Variants in MSH3 observed in about 807,000 individuals in gnomAD.
MSH3 encodes mutS homolog 3.
Under a neutral mutation model 123.3 loss-of-function variants are expected in MSH3, and 106 were observed. The observed-to-expected ratio is 0.86, with a 90% CI of 0.73 to 1.01. The LOEUF (loss-of-function observed/expected upper bound fraction) is 1.01. MSH3 is among the 50% of genes least tolerant of loss of function. The probability of loss-of-function intolerance (pLI) is 0.00; values close to 1 mark genes in which losing one functional copy is unlikely to be tolerated. For missense variants in MSH3, 1,459 were observed against 1,347.6 expected, an observed-to-expected ratio of 1.08 and a Z score of -1.29; for synonymous variants, 515 against 481.4, an observed-to-expected ratio of 1.07 and a Z score of -0.91.
At chr5:80,719,894 AG>A (rs1265272766) in intron 8 of MSH3, among the ~76,000 whole-genome samples, 5 of 152,222 alleles carry the variant, frequency 3.3e-5, no homozygotes, top group Non-Finnish European at 5.9e-5. Flanking sequence ...ATTACCTGGC[AG>A]GCTTGTTAAA....
At position 80,713,984 on chromosome 5, in the gene MSH3, G is replaced by C. The variant is rs749267624; in HGVS notation, c.1341-11469G>C. 1.2e-3 allele frequency among the ~76,000 whole-genome samples: 176 copies of C among 152,118 alleles called. 2 individuals carry two copies. The highest frequency in any genetic ancestry group is 6.8e-3 in the Middle Eastern group (2 of 294). On this transcript the variant is annotated intron_variant, in intron 8 of 23. Coordinates refer to ENST00000265081, the MANE Select transcript of MSH3 (RefSeq NM_002439.5). The stretch of plus-strand genomic sequence containing the variant: ...AAATCAAGACTGACAGTTCTGCAAG[G>C]TTTATTACCCTTTAATTTTTCAAAA...
Position 80,768,054 on chromosome 5 carries a change from T to C in MSH3, c.2018T>C (p.Leu673Ser). 1 of 1,613,848 alleles carries C rather than the reference T, an allele frequency of 6.2e-7. No homozygotes were observed. The highest frequency in any genetic ancestry group is 8.5e-7 in the Non-Finnish European group (1 of 1,179,800). The part of the protein sequence containing the change: ...IQSDLLRTVI[L>S]EIPELLSPVE... ...TCAGACTTGCTCCGGACCGTTATTT[T>C]AGAAATTCCTGAACTCCTCAGTCCA... The change falls in exon 14 of 24, where the codon TTA becomes TCA. Residue 673 changes from leucine to serine, a missense_variant. Coordinates refer to ENST00000265081, the MANE Select transcript of MSH3 (RefSeq NM_002439.5).
At chr5:80,729,128 T>C (rs1743358631) in intron 10 of MSH3, among the ~76,000 whole-genome samples, 163 bp downstream of exon 10, 1 of 151,908 alleles carries the variant, frequency 6.6e-6, no homozygotes, top group South Asian at 2.1e-4. Flanking sequence ...ATATTAAAAA[T>C]ATATTGGCTG....
intron 18 of MSH3, among the ~76,000 whole-genome samples, chr5:80,790,840 G>A (rs905556243): frequency 6.6e-6 from 1 of 152,196 alleles, no homozygotes; most frequent in Non-Finnish European, 1.5e-5. Flanking sequence ...GATGATGAAT[G>A]TGAAGAGAAA....
At chr5:80,813,469 A>G in intron 19 of MSH3, 115 bp from the exon 20 acceptor site, 1 of 1,081,700 alleles carries the variant, frequency 9.2e-7, no homozygotes, top group Non-Finnish European at 1.4e-6. Context: ...TCCTTTTGTG[A>G]TATTTATGCT....
At chr5:80,666,410 A>G (rs927461893) in intron 3 of MSH3, among the ~76,000 whole-genome samples, 4 of 152,220 alleles carry the variant, frequency 2.6e-5, no homozygotes, top group African/African-American at 9.6e-5. Flanking sequence ...CACAAAGCCC[A>G]GATCCATGAA....
At chr5:80,710,608 T>C (rs1750838546) in intron 8 of MSH3, among the ~76,000 whole-genome samples, 1 of 152,204 alleles carries the variant, frequency 6.6e-6, no homozygotes, top group Non-Finnish European at 1.5e-5. Flanking sequence ...GTGGTTATTC[T>C]TCTGGGAAAG....
chr5:80,714,438 A>AATAG (rs1750917724), intron 8 of MSH3, among the ~76,000 whole-genome samples: 1 of 151,986 alleles, frequency 6.6e-6, no homozygotes, highest in Non-Finnish European at 1.5e-5. Flanking sequence ...GTCTGGCCCA[A>AATAG]ATAGACTTTT....
chr5:80,873,188 A>G lies in MSH3; in HGVS notation c.3203A>G (p.Tyr1068Cys), dbSNP rs774599531. ...QITRGIAARS[Y>C]GLNVAKLADV... ...ACTAGAGGAATTGCAGCAAGGAGTT[A>G]TGGATTAAATGTGGCTAAACTAGCA... is the stretch of plus-strand genomic sequence containing the variant. Residue 1068 changes from tyrosine to cysteine, a missense_variant, in exon 23 of 24, where the codon TAT becomes TGT. Transcript: ENST00000265081. 3 of 1,613,868 alleles carry G rather than the reference A, an allele frequency of 1.9e-6. No individual in the cohort carries two copies. The highest frequency in any genetic ancestry group is 2.5e-6 in the Non-Finnish European group (3 of 1,179,794).
chr5:80,732,907 A>G (rs1032822582), intron 10 of MSH3, among the ~76,000 whole-genome samples: 10 of 152,186 alleles, frequency 6.6e-5, no homozygotes, highest in Non-Finnish European at 1.2e-4. Flanking sequence ...TGAAAACCTC[A>G]CAGACATTAA....
intron 13 of MSH3, among the ~76,000 whole-genome samples, chr5:80,765,031 C>T (rs1031623120): frequency 4.6e-5 from 7 of 152,152 alleles, no homozygotes; most frequent in South Asian, 2.1e-4. Context: ...GGGCTGAACT[C>T]CTGGAGAGTG....
At chr5:80,690,180 A>G (rs577279219) in intron 8 of MSH3, among the ~76,000 whole-genome samples, 121 of 152,132 alleles carry the variant, frequency 8.0e-4, no homozygotes, top group Middle Eastern at 6.8e-3. Flanking sequence ...CAGCCTTGCG[A>G]GTTCTTGGAA....
At chr5:80,695,076 T>G (rs560369480) in intron 8 of MSH3, among the ~76,000 whole-genome samples, 88 of 138,588 alleles carry the variant, frequency 6.3e-4, no homozygotes, top group African/African-American at 2.4e-3. Flanking sequence ...GGTGGTGGTG[T>G]TTTTTTTGTT....
intron 20 of MSH3, among the ~76,000 whole-genome samples, chr5:80,841,009 T>A (rs547664382): frequency 1.3e-5 from 2 of 151,554 alleles, no homozygotes; most frequent in African/African-American, 2.4e-5. Context: ...GCACCCATTA[T>A]CTTGTCATTT....
At chr5:80,779,181 CG>C (rs1230165080) in intron 17 of MSH3, among the ~76,000 whole-genome samples, 1 of 151,722 alleles carries the variant, frequency 6.6e-6, no homozygotes, top group Admixed American at 6.6e-5. Flanking sequence ...TTAGTAGAGA[CG>C]GGATTTCGCC....
chr5:80,778,742 C>T lies in MSH3; in HGVS notation c.2341C>T (p.His781Tyr), dbSNP rs1006511779. 1.6e-5 allele frequency: 26 copies of T among 1,611,398 alleles called. No individual in the cohort carries two copies. The highest frequency in any genetic ancestry group is 1.8e-5 in the Non-Finnish European group (21 of 1,177,622). The change falls in exon 17 of 24, where the codon CAC (histidine) becomes TAC (tyrosine). Residue 781 changes from histidine (H) to tyrosine (Y), a missense_variant. His to Tyr is a moderately conservative substitution (Grantham distance 83). Transcript: ENST00000265081. ...VGSTKAVSRF[H>Y]SPFIVENYRH... ...TAGCACAAAAGCTGTGAGCCGCTTT[C>T]ACTCTCCTTTTATTGTAGAAAATTA...
chr5:80,723,016 G>A (rs1024227592), intron 8 of MSH3, among the ~76,000 whole-genome samples: 2 of 152,048 alleles, frequency 1.3e-5, no homozygotes, highest in African/African-American at 4.8e-5. Context: ...GATGAAGGAG[G>A]ATTGCTTCAG....
chr5:80,656,479 G>T lies in MSH3; in HGVS notation c.306G>T (p.Lys102Asn). The change falls in exon 2 of 24, where the codon AAG becomes AAT. Residue 102 changes from lysine (K) to asparagine (N), a missense_variant. Physicochemically the swap from Lys to Asn is moderately conservative, Grantham distance 94 (BLOSUM62 0). Coordinates refer to ENST00000265081, the MANE Select transcript of MSH3 (RefSeq NM_002439.5). ...ATGGGCCTGTTAAAAAGAAAGTAAA[G>T]AAAGTCCAACAAAAGGAAGGAGGAA... is the stretch of plus-strand genomic sequence containing the variant. ...ENDGPVKKKV[K>N]KVQQKEGGSD... The T allele has an allele frequency of 6.2e-7, 1 of 1,614,172 alleles. No homozygotes were observed. The highest frequency in any genetic ancestry group is 8.5e-7 in the Non-Finnish European group (1 of 1,180,016).
intron 15 of MSH3, 113 bp downstream of exon 15, chr5:80,769,116 GT>G: frequency 1.0e-6 from 1 of 958,798 alleles, no homozygotes; most frequent in Non-Finnish European, 1.6e-6. Flanking sequence ...CAAATTTTCT[GT>G]TTTATTCCTT....
Sources: gnomAD v4.1 joint callset for allele counts (sites outside exome capture counted in the v4.1 genomes callset) on GRCh38, gnomAD v4.1.1 for gene constraint, MANE v1.5 for transcripts, NCBI Gene and HGNC (gene_info 2026-07-23, HGNC 2026-07-21) for gene names.